Variants in GNPAT observed in about 807,000 individuals in gnomAD.
The protein encoded by GNPAT is dihydroxyacetone phosphate acyltransferase.
GNPAT carries 30 observed loss-of-function variants against 78.4 expected under a neutral mutation model. The observed-to-expected ratio is 0.38, with a 90% confidence interval of 0.29 to 0.52. The LOEUF (loss-of-function observed/expected upper bound fraction) is 0.52. Ranked by LOEUF, GNPAT falls within the 20% of genes least tolerant of loss-of-function variation. The pLI, the probability that GNPAT is intolerant of heterozygous loss-of-function variation, is 0.84. For missense variants in GNPAT, 714 were observed against 812.2 expected, an observed-to-expected ratio of 0.88 and a Z score of 1.47; for synonymous variants, 271 against 281.1, an observed-to-expected ratio of 0.96 and a Z score of 0.36.
chr1:231,241,535 CCCA>C (rs1397451578), intron 1 of GNPAT, 79 bp downstream of exon 1: 10 of 1,075,834 alleles, frequency 9.3e-6, no homozygotes, highest in Non-Finnish European at 1.4e-5. Context: ...ATTCCTCCGG[CCCA>C]CCACCCTTGC....
chr1:231,260,971 T>C (rs990052896), intron 3 of GNPAT, among the ~76,000 whole-genome samples: 1 of 152,194 alleles, frequency 6.6e-6, no homozygotes, highest in African/African-American at 2.4e-5. Context: ...ATGCCAGATA[T>C]TCAGTAACGT....
chr1:231,277,070 C>CG (rs1311029363), intron 15 of GNPAT, among the ~76,000 whole-genome samples: 3 of 152,052 alleles, frequency 2.0e-5, no homozygotes, highest in Admixed American at 6.6e-5. Context: ...ATCGGGAAGG[C>CG]GGAAGTACTA....
chr1:231,274,336 G>A (rs138307980), intron 12 of GNPAT, among the ~76,000 whole-genome samples: 111 of 152,280 alleles, frequency 7.3e-4, no homozygotes, highest in Non-Finnish European at 1.4e-3. Flanking sequence ...TTACACCCAC[G>A]CATCATCTGT....
chr1:231,266,417 G>A lies in GNPAT; in HGVS notation c.1055+10G>A, dbSNP rs1685391218. The A allele has an allele frequency of 1.2e-6, 2 of 1,612,044 alleles. No homozygotes were observed. The highest frequency in any genetic ancestry group is 1.3e-5 in the African/African-American group (1 of 75,012). ...ATAACTTGGTTCCAAGGTGTGACCT[G>A]TGTTTTAATAACTGTCTTAGAAATG... On this transcript the variant is annotated intron_variant, in intron 8 of 15. Coordinates refer to ENST00000366647, the MANE Select transcript of GNPAT (RefSeq NM_014236.4).
intron 1 of GNPAT, among the ~76,000 whole-genome samples, chr1:231,242,782 AC>A (rs1684647921): frequency 6.6e-6 from 1 of 152,178 alleles, no homozygotes; most frequent in African/African-American, 2.4e-5. Context: ...CTTCCCCTTT[AC>A]CAACGGTTCT....
At chr1:231,247,920 C>T (rs1684792081) in intron 1 of GNPAT, among the ~76,000 whole-genome samples, 1 of 152,152 alleles carries the variant, frequency 6.6e-6, no homozygotes, top group African/African-American at 2.4e-5. Context: ...TGTAAGTCCA[C>T]CTTGCAAGTA....
At chr1:231,260,145 G>T (rs1333428666) in intron 2 of GNPAT, among the ~76,000 whole-genome samples, 1 of 152,180 alleles carries the variant, frequency 6.6e-6, no homozygotes, top group Admixed American at 6.5e-5. Context: ...AGCTGGTGGA[G>T]CACTGCAGCA....
At chr1:231,270,575 T>G (rs1368372131) in intron 9 of GNPAT, among the ~76,000 whole-genome samples, 183 bp from the exon 10 acceptor site, 2 of 152,176 alleles carry the variant, frequency 1.3e-5, no homozygotes, top group Non-Finnish European at 2.9e-5. Context: ...AAGAATTGAT[T>G]TATGAAATAG....
rs752593385 is a variant in GNPAT, at chr1:231,275,413, C to G, written c.1852C>G (p.Gln618Glu). 2.5e-6 allele frequency: 4 copies of G among 1,607,822 alleles called. No homozygotes were observed. The highest frequency in any genetic ancestry group is 3.4e-6 in the Non-Finnish European group (4 of 1,174,348). Residue 618 changes from glutamine to glutamate, a missense_variant, in exon 14 of 16, where the codon CAA becomes GAA. Gln to Glu is a conservative substitution (Grantham distance 29, BLOSUM62 2). Coordinates refer to ENST00000366647, the MANE Select transcript of GNPAT (RefSeq NM_014236.4). ...TSQLLDQGTS[Q>E]CYDVLSSDVQ... ...CTCACCCCCAATTTTAGGTACCTCT[C>G]AATGTTATGATGTATTATCTTCTGA...
chr1:231,256,460 C>T (rs1685063971), intron 2 of GNPAT, among the ~76,000 whole-genome samples: 1 of 142,088 alleles, frequency 7.0e-6, no homozygotes, highest in Admixed American at 7.2e-5. Flanking sequence ...CTGTCAGTCA[C>T]TAAGACTGCT....
rs759638860 is a variant in GNPAT, at chr1:231,277,576, G to T, written c.*34G>T. 2 of 1,310,594 alleles carry T rather than the reference G, an allele frequency of 1.5e-6. No homozygotes were observed. Among genetic ancestry groups the T allele is most frequent in the East Asian group, 4.6e-5 (2 of 43,504 alleles). 81.2% of individuals were successfully genotyped at this position (1,310,594 alleles called of 1,614,324 possible). A position where few individuals can be genotyped will look rare whatever the true frequency, so the allele number is the denominator to read the frequency against. Reference sequence around the variant, plus strand: ...AAATAGTTATGGAAAATTCGGTCACGTAATTACTCTCATCGAAGGACTCAT... The same window carrying T: ...AAATAGTTATGGAAAATTCGGTCACTTAATTACTCTCATCGAAGGACTCAT... On this transcript the variant is annotated 3_prime_UTR_variant, in exon 16 of 16. Transcript: ENST00000366647.
intron 2 of GNPAT, among the ~76,000 whole-genome samples, chr1:231,253,938 G>A (rs542230695): frequency 1.7e-4 from 26 of 152,260 alleles, no homozygotes; most frequent in East Asian, 3.9e-4. Flanking sequence ...TCTCTCTCCC[G>A]AGTAGCTGGG....
At chr1:231,245,545 C>G (rs1408648618) in intron 1 of GNPAT, among the ~76,000 whole-genome samples, 1 of 152,188 alleles carries the variant, frequency 6.6e-6, no homozygotes, top group Non-Finnish European at 1.5e-5. Context: ...CCACCATGCC[C>G]TGACCGCAGC....
chr1:231,245,442 C>T (rs979070070), intron 1 of GNPAT, among the ~76,000 whole-genome samples: 6 of 151,900 alleles, frequency 3.9e-5, no homozygotes, highest in African/African-American at 1.5e-4. Context: ...GAGACAGGGC[C>T]TCACTATGTT....
Position 231,270,743 on chromosome 1 carries a change from T to C in GNPAT, c.1280-15T>C. The stretch of plus-strand genomic sequence containing the variant: ...AGTGACCCATCTTGTTTGAATGAAT[T>C]GTCTTTGTGTGTAGATAATAAACCT... On this transcript the variant is annotated splice_polypyrimidine_tract_variant and intron_variant, in intron 9 of 15. Transcript: ENST00000366647. 2 of 1,613,936 alleles carry C rather than the reference T, an allele frequency of 1.2e-6. No homozygotes were observed. Among genetic ancestry groups the C allele is most frequent in the Non-Finnish European group, 1.7e-6 (2 of 1,179,812 alleles).
At chr1:231,258,337 G>A (rs1571942254) in intron 2 of GNPAT, 1 of 152,282 alleles carries the variant, frequency 6.6e-6, no homozygotes, top group East Asian at 1.9e-4. Flanking sequence ...ACATTCTGCA[G>A]CCTCAGGATC....
At position 231,253,918 on chromosome 1, in the gene GNPAT, G is replaced by T. The variant is rs546023513; in HGVS notation, c.261+2775G>T. On this transcript the variant is annotated intron_variant, in intron 2 of 15. Transcript: ENST00000366647. The stretch of plus-strand genomic sequence containing the variant: ...TTCTGATTTAACTGGTCTGGGATAG[G>T]ACCCAGGCATCTCTCTCCCGAGTAG... Among the ~76,000 whole-genome samples, 75 of 152,274 alleles carry T rather than the reference G, an allele frequency of 4.9e-4. 1 individual carries two copies. In the East Asian group the frequency reaches 0.012, roughly 25 times the overall value.
In GNPAT at chr1:231,277,648, C is replaced by G. The variant is rs892002293; in HGVS notation, c.*106C>G. The G allele has an allele frequency of 2.6e-6, 2 of 771,232 alleles. No individual in the cohort carries two copies. The highest frequency in any genetic ancestry group is 1.8e-5 in the Admixed American group (1 of 56,200). 47.8% of individuals were successfully genotyped at this position (771,232 alleles called of 1,614,324 possible). A position where few individuals can be genotyped will look rare whatever the true frequency, so the allele number is the denominator to read the frequency against. On this transcript the variant is annotated 3_prime_UTR_variant, in exon 16 of 16. Coordinates refer to ENST00000366647, the MANE Select transcript of GNPAT (RefSeq NM_014236.4). ...GGAAGAGACACATCCTCTCATACTC[C>G]CTGAGACTCTGAGAACAGTGGACGC... is the stretch of plus-strand genomic sequence containing the variant.
intron 14 of GNPAT, 104 bp downstream of exon 14, chr1:231,275,602 C>A: frequency 1.3e-6 from 1 of 757,402 alleles, no homozygotes; most frequent in Non-Finnish European, 2.4e-6. Context: ...CTAGGAAATG[C>A]TATATTCTAC....
Sources: allele counts gnomAD v4.1 joint callset (sites outside exome capture counted in the v4.1 genomes callset), GRCh38; gene constraint gnomAD v4.1.1; transcripts MANE v1.5; gene names NCBI Gene and HGNC (gene_info 2026-07-23, HGNC 2026-07-21).